Variants in TOGARAM2 observed in about 807,000 individuals in gnomAD.
TOGARAM2 encodes the protein TOG array regulator of axonemal microtubules protein 2.
Under a neutral mutation model 93.3 loss-of-function variants are expected in TOGARAM2, and 85 were observed. That is an observed-to-expected ratio of 0.91 (90% CI 0.76 to 1.09). The LOEUF (loss-of-function observed/expected upper bound fraction) is 1.09. Ranked by LOEUF, TOGARAM2 falls within the 50% of genes least tolerant of loss-of-function variation. TOGARAM2 has a pLI of 0.00. For synonymous variants in TOGARAM2, 593 were observed against 552.8 expected (o/e 1.07, Z -1.02); for missense variants, 1,277 against 1,334.5 (o/e 0.96, Z 0.67).
intron 1 of TOGARAM2, among the ~76,000 whole-genome samples, chr2:28,987,578 C>T (rs1415064460): frequency 6.6e-6 from 1 of 152,178 alleles, no homozygotes; most frequent in African/African-American, 2.4e-5. Flanking sequence ...TGTGAGCCAC[C>T]ACACCCGGCC....
rs1491158838 is a variant in TOGARAM2, at chr2:28,983,199, T to TATATATATATA, written c.-111+1661_-111+1662insATATATATATA. 2.4e-3 allele frequency among the ~76,000 whole-genome samples: 30 copies of TATATATATATA among 12,464 alleles called. 1 individual carries two copies. Among genetic ancestry groups the TATATATATATA allele is most frequent in the African/African-American group, 2.8e-3 (13 of 4,596 alleles). 8.2% of individuals were successfully genotyped at this position (12,464 alleles called of 152,430 possible). On this transcript the variant is annotated intron_variant, in intron 1 of 19. Coordinates refer to ENST00000379558, the MANE Select transcript of TOGARAM2 (RefSeq NM_199280.4). ...ATAAATATATATATATATATATATA[T>TATATATATATA]TTTTTTTTTTTTTTTTTTTTTTTTT...
At chr2:29,022,358 T>A in intron 11 of TOGARAM2, 50 bp downstream of exon 11, 1 of 1,600,524 alleles carries the variant, frequency 6.2e-7, no homozygotes, top group Non-Finnish European at 8.5e-7. Context: ...AAGCAGGGGC[T>A]GTTGCAGAAT....
rs1449560212 is a variant in TOGARAM2, at chr2:28,994,852, T to C, written c.18T>C (p.Asp6=). The C allele has an allele frequency of 6.4e-7, 1 of 1,552,560 alleles. No individual in the cohort carries two copies. The change falls in exon 2 of 20, where the codon GAT becomes GAC. Residue 6 remains aspartate, a synonymous_variant. Transcript: ENST00000379558. MGTRD[D]VPEAKVLVPV... ...CCCAGGACATGGGCACCCGTGACGATGTCCCCGAAGGTAAGGGGCACCATG... is the reference window on the plus strand; with the variant it reads ...CCCAGGACATGGGCACCCGTGACGACGTCCCCGAAGGTAAGGGGCACCATG...
In TOGARAM2 at chr2:29,045,240, CTGTGGGTA is replaced by C; in HGVS notation, c.2636-78_2636-71del. 2.8e-6 allele frequency: 3 copies of C among 1,061,612 alleles called. No individual in the cohort carries two copies. In the Admixed American group the frequency reaches 6.0e-5, roughly 21 times the overall value. The allele number at this position is 1,061,612 out of a possible 1,614,324, so 65.8% of individuals were successfully genotyped here. A position where few individuals can be genotyped will look rare whatever the true frequency, so the allele number is the denominator to read the frequency against. ...CAAAGGCCTCATCCCCTTGCAGGTA[CTGTGGGTA>C]TGTGGCCCTGCAAACCCCTAGTGCT... On this transcript the variant is annotated intron_variant, in intron 18 of 19. Coordinates refer to ENST00000379558, the MANE Select transcript of TOGARAM2 (RefSeq NM_199280.4).
At chr2:29,022,034 C>T (rs1177989932) in intron 10 of TOGARAM2, 124 bp from the exon 11 acceptor site, 4 of 1,302,132 alleles carry the variant, frequency 3.1e-6, no homozygotes, top group East Asian at 4.6e-5. Context: ...CTTGTACACC[C>T]TCCCTGTTAG....
intron 1 of TOGARAM2, among the ~76,000 whole-genome samples, chr2:28,975,292 C>T (rs1672010263): frequency 6.6e-6 from 1 of 151,790 alleles, no homozygotes; most frequent in Admixed American, 6.6e-5. Context: ...AGGTTCATGC[C>T]ATTCTCCTGC....
rs779972641 is a variant in TOGARAM2 at position 29,005,188 on chromosome 2, AGT to A, written c.830+1516_830+1517del. Among the ~76,000 whole-genome samples, 46 of 106,086 alleles carry A rather than the reference AGT, an allele frequency of 4.3e-4. 2 individuals carry two copies. In the South Asian group the frequency reaches 7.2e-3, roughly 17 times the overall value. The allele number at this position is 106,086 out of a possible 152,430, so 69.6% of individuals were successfully genotyped here. ...TGCATGTGTAAGGGCATATGTGTGCAGTGTGTGTGTGCATGTGTGTGGGTATG... is the reference window on the plus strand; with the variant it reads ...TGCATGTGTAAGGGCATATGTGTGCAGTGTGTGTGCATGTGTGTGGGTATG... On this transcript the variant is annotated intron_variant, in intron 6 of 19. Coordinates refer to ENST00000379558, the MANE Select transcript of TOGARAM2 (RefSeq NM_199280.4).
intron 6 of TOGARAM2, among the ~76,000 whole-genome samples, chr2:29,010,011 A>C (rs1423007079): frequency 7.0e-6 from 1 of 143,784 alleles, no homozygotes; most frequent in Non-Finnish European, 1.5e-5. Context: ...CTGAGGCCAA[A>C]TCCCTTGCTC....
chr2:28,977,904 T>C (rs1672060736), upstream of TOGARAM2, among the ~76,000 whole-genome samples: 3 of 152,096 alleles, frequency 2.0e-5, no homozygotes, highest in African/African-American at 7.2e-5. Flanking sequence ...AAAGTGTTTT[T>C]TTTTTGGTTG....
At chr2:28,991,315 T>C (rs540989523) in intron 1 of TOGARAM2, among the ~76,000 whole-genome samples, 23 of 152,202 alleles carry the variant, frequency 1.5e-4, no homozygotes, top group African/African-American at 5.5e-4. Flanking sequence ...ACTGGGTGCA[T>C]ACTGGCTTGT....
chr2:28,985,069 C>A (rs1038287727), intron 1 of TOGARAM2, among the ~76,000 whole-genome samples: 1 of 152,200 alleles, frequency 6.6e-6, no homozygotes, highest in East Asian at 1.9e-4. Flanking sequence ...ATGTTAAAGC[C>A]TAACCCCCCA....
At chr2:28,964,907 G>A (rs1473912693) in intron 1 of TOGARAM2, among the ~76,000 whole-genome samples, 2 of 152,142 alleles carry the variant, frequency 1.3e-5, no homozygotes, top group African/African-American at 4.8e-5. Context: ...CATTTGGGTT[G>A]ATTCCATGTC....
intron 1 of TOGARAM2, among the ~76,000 whole-genome samples, chr2:28,989,680 C>T (rs148286172): frequency 0.011 from 1,606 of 152,304 alleles, 33 homozygotes; most frequent in African/African-American, 0.037. Flanking sequence ...GCCAGGATTA[C>T]AGGTGTGAGC....
At chr2:28,957,576 T>G (rs1324008320) in intron 1 of TOGARAM2, among the ~76,000 whole-genome samples, 1 of 152,202 alleles carries the variant, frequency 6.6e-6, no homozygotes, top group Admixed American at 6.5e-5. Flanking sequence ...ATTGGGAAAT[T>G]GTGGCTCTTC....
intron 13 of TOGARAM2, among the ~76,000 whole-genome samples, chr2:29,025,011 C>T (rs992569478): frequency 6.6e-6 from 1 of 152,194 alleles, no homozygotes; most frequent in Non-Finnish European, 1.5e-5. Flanking sequence ...AAAAGCATTT[C>T]CCAAGCTGCT....
In TOGARAM2 at chr2:29,052,067, A is replaced by T; in HGVS notation, c.3034A>T (p.Ser1012Cys). Residue 1012 changes from serine to cysteine, a missense_variant, in exon 20 of 20, where the codon AGC becomes TGC. Transcript: ENST00000379558. ...GGCCCCTGACAGCAAGACAACTGGCAGCTCATACCCTTTTCAGCTGGATTA... is the reference window on the plus strand; with the variant it reads ...GGCCCCTGACAGCAAGACAACTGGCTGCTCATACCCTTTTCAGCTGGATTA... ...GVAPDSKTTGSSYPFQLD is the reference protein window; with the variant it reads ...GVAPDSKTTGCSYPFQLD The T allele has an allele frequency of 6.2e-7, 1 of 1,600,136 alleles. No homozygotes were observed. The highest frequency in any genetic ancestry group is 8.5e-7 in the Non-Finnish European group (1 of 1,170,236).
chr2:28,989,931 G>C (rs1672641128), intron 1 of TOGARAM2, among the ~76,000 whole-genome samples: 2 of 152,214 alleles, frequency 1.3e-5, no homozygotes, highest in Admixed American at 1.3e-4. Context: ...AGTACCTATG[G>C]CATGTTTGAA....
At chr2:28,977,836 T>A (rs1238208880), upstream of TOGARAM2, among the ~76,000 whole-genome samples, 4 of 151,654 alleles carry the variant, frequency 2.6e-5, no homozygotes, top group Admixed American at 6.6e-5. Context: ...TTCTAGAGAG[T>A]CAGTAAGGAC....
chr2:29,023,074 C>T lies in TOGARAM2; in HGVS notation c.1512-12C>T, dbSNP rs1164991609. On this transcript the variant is annotated splice_polypyrimidine_tract_variant and intron_variant, in intron 11 of 19. Transcript: ENST00000379558. Reference sequence around the variant, plus strand: ...CCACCCTTCTGCAACAGGGCCTGGCCTTGCTTCTCAGGCAGATGAAGGAGA... The same window carrying T: ...CCACCCTTCTGCAACAGGGCCTGGCTTTGCTTCTCAGGCAGATGAAGGAGA... The T allele has an allele frequency of 1.9e-6, 3 of 1,577,418 alleles. No homozygotes were observed. In the African/African-American group the frequency reaches 4.0e-5, roughly 21 times the overall value.
Sources: gnomAD v4.1 joint callset for allele counts (sites outside exome capture counted in the v4.1 genomes callset) on GRCh38, gnomAD v4.1.1 for gene constraint, MANE v1.5 for transcripts, NCBI Gene and HGNC (gene_info 2026-07-23, HGNC 2026-07-21) for gene names.